Variants in SPATA6 observed in about 807,000 individuals in gnomAD.
SPATA6 encodes the protein spermatogenesis-associated protein 6.
In SPATA6, 56 loss-of-function variants were observed where a neutral mutation model predicts 65.3. The observed-to-expected ratio is 0.86, with a 90% CI of 0.69 to 1.07. The LOEUF is 1.07. Among genes scored for constraint, SPATA6 ranks in the 50% least tolerant of loss-of-function variants. The probability of loss-of-function intolerance (pLI) is 0.00; values close to 1 mark genes in which losing one functional copy is unlikely to be tolerated. For synonymous variants in SPATA6, 199 were observed against 213.2 expected (o/e 0.93, Z 0.58); for missense variants, 590 against 594.8 (o/e 0.99, Z 0.08).
intron 6 of SPATA6, 75 bp downstream of exon 6, chr1:48,403,727 A>T: frequency 8.1e-7 from 1 of 1,236,660 alleles, no homozygotes; most frequent in Non-Finnish European, 1.1e-6. Context: ...GCCAAAATAA[A>T]TAACGCTTGC....
rs1230489657 is a variant in SPATA6 at position 48,366,989 on chromosome 1, T to C, written c.910-7219A>G. 3.3e-5 allele frequency among the ~76,000 whole-genome samples: 5 copies of C among 152,368 alleles called. No homozygotes were observed. In the East Asian group the frequency reaches 5.8e-4, roughly 18 times the overall value. On this transcript the variant is annotated intron_variant, in intron 9 of 12. Coordinates refer to ENST00000371847, the MANE Select transcript of SPATA6 (RefSeq NM_019073.4). ...TGAATATGTCCCAGAGATTCTGGTA[T>C]GTTGTGTCTTTGTTCTCGTTGGTTT...
chr1:48,435,727 C>T lies in SPATA6; in HGVS notation c.238+15825G>A, dbSNP rs1294758826. Among the ~76,000 whole-genome samples, 7 of 152,248 alleles carry T rather than the reference C, an allele frequency of 4.6e-5. No homozygotes were observed. The East Asian group carries it at 1.2e-3, about 25-fold the overall frequency. Reference sequence around the variant, plus strand: ...AGAGTTCCAAGCCCACGGCCCCGGTCGCGGCCTCGCCGCCCTCCCGCGCCC... The same window carrying T: ...AGAGTTCCAAGCCCACGGCCCCGGTTGCGGCCTCGCCGCCCTCCCGCGCCC... On this transcript the variant is annotated intron_variant, in intron 3 of 12. Coordinates refer to ENST00000371847, the MANE Select transcript of SPATA6 (RefSeq NM_019073.4).
At chr1:48,467,069 A>G (rs1657862560) in intron 1 of SPATA6, among the ~76,000 whole-genome samples, 1 of 152,146 alleles carries the variant, frequency 6.6e-6, no homozygotes, top group Admixed American at 6.5e-5. Flanking sequence ...TGGAAAATAT[A>G]ATTCTTTTGA....
At chr1:48,447,928 T>C (rs1656209996) in intron 3 of SPATA6, 1 of 152,160 alleles carries the variant, frequency 6.6e-6, no homozygotes, top group Non-Finnish European at 1.5e-5. Context: ...CTTTAAAAGC[T>C]TGTATTAAGC....
At chr1:48,274,555 A>G in the SPATA6 span, among the ~76,000 whole-genome samples, 2 of 152,210 alleles carry the variant, frequency 1.3e-5, no homozygotes, top group African/African-American at 4.8e-5. Flanking sequence ...AGTTTTCTGC[A>G]TATGGCTAGC....
chr1:48,386,642 G>A (rs61774376), intron 8 of SPATA6, among the ~76,000 whole-genome samples: 2,166 of 152,318 alleles, frequency 0.014, 25 homozygotes, highest in Non-Finnish European at 0.017. Context: ...GAAAGGGTAA[G>A]TGAGAGACTC....
At chr1:48,407,591 G>A (rs1264886283) in intron 5 of SPATA6, among the ~76,000 whole-genome samples, 1 of 152,162 alleles carries the variant, frequency 6.6e-6, no homozygotes, top group East Asian at 1.9e-4. Context: ...TTACCAAACA[G>A]AATATAAGAG....
At chr1:48,354,971 A>T (rs1407476902) in intron 11 of SPATA6, among the ~76,000 whole-genome samples, 1 of 152,088 alleles carries the variant, frequency 6.6e-6, no homozygotes, top group Non-Finnish European at 1.5e-5. Context: ...GAAACTTAAA[A>T]CTGTAAAAAC....
At chr1:48,352,748 C>A (rs1056778480) in intron 11 of SPATA6, among the ~76,000 whole-genome samples, 7 of 151,556 alleles carry the variant, frequency 4.6e-5, no homozygotes, top group African/African-American at 1.7e-4. Context: ...TCAGTAAAAC[C>A]ACATTTAGAT....
chr1:48,267,918 AT>A, the SPATA6 span, among the ~76,000 whole-genome samples: 1 of 151,290 alleles, frequency 6.6e-6, no homozygotes, highest in African/African-American at 2.4e-5. Flanking sequence ...CGCTTGGCTA[AT>A]TTTTTGTATT....
At chr1:48,363,573 A>G (rs1646886989) in intron 9 of SPATA6, among the ~76,000 whole-genome samples, 1 of 152,144 alleles carries the variant, frequency 6.6e-6, no homozygotes. Context: ...TTCTGTGTAT[A>G]GCATTTATAC....
chr1:48,346,662 T>C (rs1309532418), intron 11 of SPATA6, among the ~76,000 whole-genome samples: 3 of 152,030 alleles, frequency 2.0e-5, no homozygotes, highest in African/African-American at 2.4e-5. Flanking sequence ...AGCATTCCTA[T>C]ACACCAACAA....
chr1:48,469,686 T>TA lies in SPATA6; in HGVS notation c.51+2271dup, dbSNP rs1396430518. ...AAAAGGAAATAGACAAGAAAGGAAC[T>TA]AAAATCAAAATGAAGATGTTAAAAA... On this transcript the variant is annotated intron_variant, in intron 1 of 12. Coordinates refer to ENST00000371847, the MANE Select transcript of SPATA6 (RefSeq NM_019073.4). 2.0e-5 allele frequency among the ~76,000 whole-genome samples: 3 copies of TA among 151,800 alleles called. No homozygotes were observed. In the South Asian group the frequency reaches 6.2e-4, roughly 32 times the overall value.
intron 12 of SPATA6, among the ~76,000 whole-genome samples, chr1:48,301,772 T>C (rs1644945254): frequency 1.3e-5 from 2 of 152,064 alleles, no homozygotes; most frequent in South Asian, 2.1e-4. Flanking sequence ...AGCACATACA[T>C]TGGGGAAAGG....
Position 48,455,840 on chromosome 1 carries a change from T to C in SPATA6, c.52-2709A>G, listed in dbSNP as rs75162128. On this transcript the variant is annotated intron_variant, in intron 1 of 12. Transcript: ENST00000371847. ...AATTTGTAACATATGCAAGAAGGCA[T>C]TGTTTTTTTCATCTACAATTCTACA... 2.8e-4 allele frequency among the ~76,000 whole-genome samples: 42 copies of C among 152,292 alleles called. 1 individual carries two copies. In the East Asian group the frequency reaches 7.3e-3, roughly 27 times the overall value.
the SPATA6 span, among the ~76,000 whole-genome samples, chr1:48,269,685 A>G: frequency 1.3e-5 from 2 of 152,060 alleles, no homozygotes; most frequent in Non-Finnish European, 2.9e-5. Flanking sequence ...TGCTTTTTCT[A>G]TGATACAATG....
chr1:48,391,203 G>GAA (rs34715593), intron 8 of SPATA6, among the ~76,000 whole-genome samples: 1 of 108,412 alleles, frequency 9.2e-6, no homozygotes, highest in African/African-American at 3.5e-5. Flanking sequence ...AATCTCTACA[G>GAA]AAAAAAAAAA....
At chr1:48,344,354 C>T (rs1646302834) in intron 11 of SPATA6, 1 of 152,084 alleles carries the variant, frequency 6.6e-6, no homozygotes, top group African/African-American at 2.4e-5. Context: ...TACCACCAGA[C>T]CTGCCTTACA....
chr1:48,468,771 G>C (rs1459809707), intron 1 of SPATA6, among the ~76,000 whole-genome samples: 1 of 152,068 alleles, frequency 6.6e-6, no homozygotes, highest in Non-Finnish European at 1.5e-5. Flanking sequence ...TCAATCAAAT[G>C]ATTAAAGGTA....
Sources: allele counts gnomAD v4.1 joint callset (sites outside exome capture counted in the v4.1 genomes callset), GRCh38; gene constraint gnomAD v4.1.1; transcripts MANE v1.5; gene names NCBI Gene and HGNC (gene_info 2026-07-23, HGNC 2026-07-21).